The following ZBTB16 variants were observed in gnomAD, a reference collection of about 807,000 sequenced individuals.
ZBTB16 encodes zinc finger and BTB domain containing 16, also known as zinc finger and BTB domain-containing protein 16.
A neutral mutation model predicts 56.8 loss-of-function variants in ZBTB16; 8 were observed. The observed-to-expected ratio is 0.14, with a 90% CI of 0.08 to 0.25. The LOEUF (loss-of-function observed/expected upper bound fraction) is 0.25. ZBTB16 is among the 10% of genes least tolerant of loss of function. ZBTB16 has a pLI of 1.00. For synonymous variants in ZBTB16, 363 were observed against 368.5 expected, an observed-to-expected ratio of 0.98 and a Z score of 0.17; for missense variants, 625 against 903.0, an observed-to-expected ratio of 0.69 and a Z score of 3.95.
intron 3 of ZBTB16, among the ~76,000 whole-genome samples, chr11:114,184,621 T>C (rs1256659618): frequency 6.6e-6 from 1 of 152,174 alleles, no homozygotes; most frequent in Non-Finnish European, 1.5e-5. Context: ...CTGTGTGGCA[T>C]TGGGCAAAGT....
chr11:114,091,267 G>T (rs1940175046), intron 2 of ZBTB16, among the ~76,000 whole-genome samples: 2 of 152,174 alleles, frequency 1.3e-5, no homozygotes, highest in Admixed American at 1.3e-4. Flanking sequence ...AGAAGTGCTT[G>T]AACCTGAGAG....
intron 4 of ZBTB16, among the ~76,000 whole-genome samples, chr11:114,200,371 T>C (rs1419058652): frequency 6.6e-6 from 1 of 152,192 alleles, no homozygotes; most frequent in Non-Finnish European, 1.5e-5. Flanking sequence ...CTTTTGCCTC[T>C]TAAAAACTGT....
rs772882495 is a variant in ZBTB16 at position 114,167,485 on chromosome 11, AT to A, written c.1366+11058del. ...GAGGTATTATTTTAGCATCAGTAGG[AT>A]TTTTTTCACCTTTGATGTGGTAAAT... On this transcript the variant is annotated intron_variant, in intron 3 of 6. Coordinates refer to ENST00000335953, the MANE Select transcript of ZBTB16 (RefSeq NM_006006.6). Among the ~76,000 whole-genome samples the A allele has an allele frequency of 2.9e-5, 4 of 138,606 alleles. 1 individual carries two copies. Among genetic ancestry groups the A allele is most frequent in the East Asian group, 2.1e-4 (1 of 4,702 alleles). The allele number at this position is 138,606 out of a possible 152,430, so 90.9% of individuals were successfully genotyped here. A position where few individuals can be genotyped will look rare whatever the true frequency, so the allele number is the denominator to read the frequency against.
rs1273944821 is a variant in ZBTB16, at chr11:114,239,985, A to G, written c.1454-2182A>G. ...AGGGGGATAAGAATGCCTGCCTTGT[A>G]GGATTGCAAGTTTTAAATGAACTGA... On this transcript the variant is annotated intron_variant, in intron 4 of 6. Transcript: ENST00000335953. Among the ~76,000 whole-genome samples the G allele has an allele frequency of 2.6e-5, 4 of 152,216 alleles. No homozygotes were observed. The South Asian group carries it at 6.2e-4, about 24-fold the overall frequency.
chr11:114,189,379 T>C (rs1412649171), intron 4 of ZBTB16: 2 of 152,166 alleles, frequency 1.3e-5, no homozygotes, highest in Non-Finnish European at 2.9e-5. Context: ...CACAGTGAGA[T>C]ACTGCTTCAC....
In ZBTB16 at chr11:114,254,952, G is replaced by A. The variant is rs955149308; in HGVS notation, c.*4397G>A. On this transcript the variant is annotated 3_prime_UTR_variant, in exon 7 of 7. Transcript: ENST00000335953. Reference sequence around the variant, plus strand: ...TGCAGGCCGGTTAGCCAGCAGCTGCGGCCTCCCCGGGCCCTTGGCATCCAA... The same window carrying A: ...TGCAGGCCGGTTAGCCAGCAGCTGCAGCCTCCCCGGGCCCTTGGCATCCAA... Among the ~76,000 whole-genome samples the A allele has an allele frequency of 4.6e-5, 7 of 152,174 alleles. No individual in the cohort carries two copies. The East Asian group carries it at 5.8e-4, about 13-fold the overall frequency.
At chr11:114,203,028 C>A (rs1412688809) in intron 4 of ZBTB16, among the ~76,000 whole-genome samples, 1 of 152,170 alleles carries the variant, frequency 6.6e-6, no homozygotes, top group Non-Finnish European at 1.5e-5. Context: ...GTGTTGTTCA[C>A]AATAGCCAAA....
intron 2 of ZBTB16, among the ~76,000 whole-genome samples, chr11:114,132,460 T>C (rs1375619439): frequency 6.6e-6 from 1 of 152,182 alleles, no homozygotes; most frequent in Non-Finnish European, 1.5e-5. Flanking sequence ...GTAGGGACAA[T>C]GGTAGCACCA....
intron 3 of ZBTB16, among the ~76,000 whole-genome samples, chr11:114,163,737 G>A (rs1225752945): frequency 6.6e-6 from 1 of 152,106 alleles, no homozygotes; most frequent in East Asian, 1.9e-4. Context: ...TCTCCATATG[G>A]TGCCTTAGCA....
chr11:114,096,083 T>A (rs921859433), intron 2 of ZBTB16, among the ~76,000 whole-genome samples: 4 of 152,120 alleles, frequency 2.6e-5, no homozygotes, highest in Non-Finnish European at 5.9e-5. Flanking sequence ...AAAAAAGGAG[T>A]ATAAAAGAAA....
At chr11:114,225,191 G>T (rs1054592190) in intron 4 of ZBTB16, among the ~76,000 whole-genome samples, 1 of 152,168 alleles carries the variant, frequency 6.6e-6, no homozygotes, top group African/African-American at 2.4e-5. Flanking sequence ...ATTCTAGGGA[G>T]ATTTTTGAAG....
intron 4 of ZBTB16, among the ~76,000 whole-genome samples, chr11:114,206,101 C>T (rs974970352): frequency 6.6e-6 from 1 of 152,190 alleles, no homozygotes; most frequent in Non-Finnish European, 1.5e-5. Flanking sequence ...AGAAAGAGGA[C>T]TTGTCTCATC....
intron 3 of ZBTB16, among the ~76,000 whole-genome samples, chr11:114,180,315 C>T (rs536901995): frequency 5.3e-5 from 8 of 152,338 alleles, no homozygotes; most frequent in African/African-American, 1.9e-4. Context: ...GGATGTCCGC[C>T]TGTCTCTTTC....
In ZBTB16 at chr11:114,186,969, G is replaced by A. The variant is rs760288157; in HGVS notation, c.1384G>A (p.Val462Ile). 7 of 1,614,074 alleles carry A rather than the reference G, an allele frequency of 4.3e-6. No homozygotes were observed. The South Asian group carries it at 7.7e-5, about 18-fold the overall frequency. The change falls in exon 4 of 7, where the codon GTC (valine) becomes ATC (isoleucine). Residue 462 changes from valine to isoleucine, a missense_variant. Physicochemically the swap from Val to Ile is conservative, Grantham distance 29. This residue lies in a region of ZBTB16 where 140 missense variants were observed against 214.8 expected (regional missense o/e 0.65). Transcript: ENST00000335953. ...TCTTTCAGCGGGTGCCAAAGCCTTTGTCTGTGATCAGTGCGGTGCACAGTT... is the reference window on the plus strand; with the variant it reads ...TCTTTCAGCGGGTGCCAAAGCCTTTATCTGTGATCAGTGCGGTGCACAGTT... ...LAHSAGAKAFVCDQCGAQFSK... is the reference protein window; with the variant it reads ...LAHSAGAKAFICDQCGAQFSK...
At chr11:114,196,208 C>T (rs1943604689) in intron 4 of ZBTB16, among the ~76,000 whole-genome samples, 1 of 152,194 alleles carries the variant, frequency 6.6e-6, no homozygotes, top group Admixed American at 6.5e-5. Flanking sequence ...CCAGGAGCAC[C>T]AGGCCTGTGC....
chr11:114,236,896 C>T (rs183347355), intron 4 of ZBTB16, among the ~76,000 whole-genome samples: 1 of 152,334 alleles, frequency 6.6e-6, no homozygotes, highest in Non-Finnish European at 1.5e-5. Flanking sequence ...TTACGTGATA[C>T]AACAGAGCTC....
intron 3 of ZBTB16, among the ~76,000 whole-genome samples, chr11:114,169,024 C>A (rs1452959577): frequency 6.6e-6 from 1 of 152,108 alleles, no homozygotes; most frequent in Non-Finnish European, 1.5e-5. Context: ...GTGTGGCCCT[C>A]CCACCCAGGG....
intron 2 of ZBTB16, among the ~76,000 whole-genome samples, chr11:114,129,748 G>T (rs541543687): frequency 1.3e-5 from 2 of 152,246 alleles, no homozygotes; most frequent in Non-Finnish European, 2.9e-5. Flanking sequence ...CCGCAATGAC[G>T]CTGCGCCTCC....
intron 3 of ZBTB16, among the ~76,000 whole-genome samples, chr11:114,171,995 G>A (rs1942981349): frequency 6.6e-6 from 1 of 152,252 alleles, no homozygotes; most frequent in South Asian, 2.1e-4. Flanking sequence ...GGAGACAGGA[G>A]CAGCAGGGGA....
Sources: gnomAD v4.1 joint callset for allele counts (sites outside exome capture counted in the v4.1 genomes callset) on GRCh38, gnomAD v4.1.1 for gene constraint, gnomAD v4.1.1 regional missense constraint, MANE v1.5 for transcripts, NCBI Gene and HGNC (gene_info 2026-07-23, HGNC 2026-07-21) for gene names.